Variants in CFAP299 observed in about 807,000 individuals in gnomAD.
CFAP299 encodes the protein cilia and flagella associated protein 299.
In CFAP299, 21 loss-of-function variants were observed where a neutral mutation model predicts 27.0. That is an observed-to-expected ratio of 0.78 (90% confidence interval 0.55 to 1.12). The LOEUF (loss-of-function observed/expected upper bound fraction) is 1.12. Among genes scored for constraint, CFAP299 ranks in the 50% most tolerant of loss-of-function variants. The probability of loss-of-function intolerance (pLI) is 0.00; values close to 1 mark genes in which losing one functional copy is unlikely to be tolerated. For synonymous variants in CFAP299, 104 were observed against 98.1 expected (o/e 1.06, Z -0.36); for missense variants, 310 against 276.6 (o/e 1.12, Z -0.86).
chr4:80,557,451 A>C (rs1578595322), intron 2 of CFAP299, among the ~76,000 whole-genome samples: 1 of 152,052 alleles, frequency 6.6e-6, no homozygotes, highest in East Asian at 1.9e-4. Flanking sequence ...TACAAGCATT[A>C]GTTAATAAGA....
the CFAP299 span, among the ~76,000 whole-genome samples, chr4:80,329,497 A>C: frequency 6.6e-6 from 1 of 152,138 alleles, no homozygotes. Flanking sequence ...ACTGAGGTAA[A>C]TAAGTTTTAC....
At chr4:80,560,590 A>G (rs1478423994) in intron 2 of CFAP299, among the ~76,000 whole-genome samples, 1 of 152,064 alleles carries the variant, frequency 6.6e-6, no homozygotes, top group Non-Finnish European at 1.5e-5. Context: ...CACTGCCCTG[A>G]AAGGTGAGTC....
At chr4:80,768,248 C>T (rs1282853846) in intron 3 of CFAP299, among the ~76,000 whole-genome samples, 3 of 152,046 alleles carry the variant, frequency 2.0e-5, no homozygotes, top group Admixed American at 6.5e-5. Flanking sequence ...CTCAAGAAGT[C>T]GCATGTTACA....
At chr4:80,841,345 A>G (rs115027139) in intron 3 of CFAP299, among the ~76,000 whole-genome samples, 1,648 of 152,194 alleles carry the variant, frequency 0.011, 33 homozygotes, top group African/African-American at 0.037. Flanking sequence ...GTAGAGCACT[A>G]GTCTTGAAAA....
chr4:80,732,627 A>T (rs1723604539), intron 3 of CFAP299, among the ~76,000 whole-genome samples: 1 of 151,804 alleles, frequency 6.6e-6, no homozygotes, highest in African/African-American at 2.4e-5. Context: ...TCTCTTCAAG[A>T]TCAGTTATTT....
intron 4 of CFAP299, among the ~76,000 whole-genome samples, chr4:80,916,733 TGTAA>T (rs1735785138): frequency 6.6e-6 from 1 of 152,054 alleles, no homozygotes. Context: ...GCAGGGATTA[TGTAA>T]GTAAGAGAAT....
At chr4:80,804,085 G>T (rs1728745793) in intron 3 of CFAP299, among the ~76,000 whole-genome samples, 1 of 152,088 alleles carries the variant, frequency 6.6e-6, no homozygotes, top group African/African-American at 2.4e-5. Context: ...GCGCTGTCAT[G>T]ACCTAAGCAC....
At chr4:80,450,181 A>G (rs1371870770) in intron 2 of CFAP299, among the ~76,000 whole-genome samples, 1 of 152,168 alleles carries the variant, frequency 6.6e-6, no homozygotes, top group Non-Finnish European at 1.5e-5. Flanking sequence ...ACAAAACAAG[A>G]TACCTCATAT....
At chr4:80,464,631 G>A (rs1297691646) in intron 2 of CFAP299, among the ~76,000 whole-genome samples, 1 of 151,948 alleles carries the variant, frequency 6.6e-6, no homozygotes, top group East Asian at 1.9e-4. Flanking sequence ...TCTTGCTCTT[G>A]CCATTTGTAG....
intron 2 of CFAP299, among the ~76,000 whole-genome samples, chr4:80,371,518 A>G (rs1724151847): frequency 6.6e-6 from 1 of 152,212 alleles, no homozygotes; most frequent in African/African-American, 2.4e-5. Flanking sequence ...TTCCAGTTTT[A>G]GATTATGTCT....
chr4:80,597,302 G>A (rs956290135), intron 3 of CFAP299, among the ~76,000 whole-genome samples: 1 of 151,998 alleles, frequency 6.6e-6, no homozygotes, highest in Admixed American at 6.6e-5. Context: ...GTTTAAATTT[G>A]CATTTATATG....
intron 3 of CFAP299, among the ~76,000 whole-genome samples, chr4:80,656,803 T>G (rs909870865): frequency 6.6e-6 from 1 of 152,212 alleles, no homozygotes; most frequent in Non-Finnish European, 1.5e-5. Context: ...ATCACCACAC[T>G]GTCTTCCATA....
At chr4:80,504,319 T>C (rs1033184795) in intron 2 of CFAP299, among the ~76,000 whole-genome samples, 1 of 151,594 alleles carries the variant, frequency 6.6e-6, no homozygotes. Context: ...TGGAAAGCCT[T>C]AAAAGTACAC....
At chr4:80,868,898 T>TCC (rs1732903560) in intron 3 of CFAP299, among the ~76,000 whole-genome samples, 1 of 101,928 alleles carries the variant, frequency 9.8e-6, no homozygotes, top group African/African-American at 7.0e-5. Flanking sequence ...GGTGGGGGCT[T>TCC]CTCTCTCTGT....
In CFAP299 at chr4:80,803,815, C is replaced by A. The variant is rs180942762; in HGVS notation, c.334-66178C>A. Among the ~76,000 whole-genome samples, 634 of 151,640 alleles carry A rather than the reference C, an allele frequency of 4.2e-3. 1 individual carries two copies. Among genetic ancestry groups the A allele is most frequent in the Middle Eastern group, 0.01 (3 of 286 alleles). ...ATTGTGGTAAGGTACACATAACATA[C>A]AATTTGCCGTCTTAATTATTTTTCA... is the stretch of plus-strand genomic sequence containing the variant. On this transcript the variant is annotated intron_variant, in intron 3 of 5. Transcript: ENST00000358105.
intron 2 of CFAP299, among the ~76,000 whole-genome samples, chr4:80,367,944 A>G (rs1052463014): frequency 6.6e-6 from 1 of 152,222 alleles, no homozygotes; most frequent in African/African-American, 2.4e-5. Context: ...GTGTTCCTAG[A>G]GCCTAGTCAG....
Position 80,710,832 on chromosome 4 carries a change from T to C in CFAP299, c.333+127649T>C, listed in dbSNP as rs931649058. On this transcript the variant is annotated intron_variant, in intron 3 of 5. Transcript: ENST00000358105. ...AATGAACACTAATACTGGCTGATTA[T>C]TGGGCTCCTTTTTTGTACCTGGGAC... 2.6e-5 allele frequency among the ~76,000 whole-genome samples: 4 copies of C among 152,274 alleles called. No individual in the cohort carries two copies. In the South Asian group the frequency reaches 8.3e-4, roughly 32 times the overall value.
chr4:80,686,918 C>T (rs1560697901), intron 3 of CFAP299, among the ~76,000 whole-genome samples: 2 of 152,192 alleles, frequency 1.3e-5, no homozygotes, highest in Non-Finnish European at 2.9e-5. Flanking sequence ...TCCTACATTC[C>T]TATAGCTTTC....
intron 3 of CFAP299, among the ~76,000 whole-genome samples, chr4:80,825,394 G>A (rs750649546): frequency 9.9e-5 from 15 of 151,256 alleles, no homozygotes; most frequent in Non-Finnish European, 1.8e-4. Flanking sequence ...TGAAAGACAT[G>A]CATATAAACA....
Sources: allele counts gnomAD v4.1 joint callset (sites outside exome capture counted in the v4.1 genomes callset), GRCh38; gene constraint gnomAD v4.1.1; transcripts MANE v1.5; gene names NCBI Gene and HGNC (gene_info 2026-07-23, HGNC 2026-07-21).